Variants in KCNQ1 observed in about 807,000 individuals in gnomAD.
KCNQ1 encodes the protein potassium voltage-gated channel subfamily Q member 1, also known as potassium voltage-gated channel subfamily KQT member 1.
Under a neutral mutation model 72.4 loss-of-function variants are expected in KCNQ1, and 49 were observed. The observed-to-expected ratio is 0.68, with a 90% CI of 0.54 to 0.86. The LOEUF (loss-of-function observed/expected upper bound fraction) is 0.86, where lower values mean the gene tolerates loss of function less well. Among genes scored for constraint, KCNQ1 ranks in the 40% least tolerant of loss-of-function variants. KCNQ1 has a pLI of 0.00. For missense variants in KCNQ1, 790 were observed against 945.1 expected (o/e 0.84, Z 2.15); for synonymous variants, 450 against 412.6 (o/e 1.09, Z -1.10).
At chr11:2,774,090 A>G (rs1846650598) in intron 12 of KCNQ1, among the ~76,000 whole-genome samples, 1 of 151,874 alleles carries the variant, frequency 6.6e-6, no homozygotes, top group African/African-American at 2.4e-5. Context: ...TCTCCATCTT[A>G]TAGGAAGGAG....
At chr11:2,798,380 C>T (rs932140584) in intron 15 of KCNQ1, among the ~76,000 whole-genome samples, 2 of 152,196 alleles carry the variant, frequency 1.3e-5, no homozygotes, top group Non-Finnish European at 2.9e-5. Flanking sequence ...CTCACCTGCC[C>T]ATGGTCATCT....
intron 11 of KCNQ1, among the ~76,000 whole-genome samples, chr11:2,726,954 C>T (rs575748873): frequency 1.2e-3 from 182 of 152,320 alleles, no homozygotes; most frequent in Middle Eastern, 0.01. Flanking sequence ...TCTCCAAGCC[C>T]TGTCCCTGCC....
intron 2 of KCNQ1, among the ~76,000 whole-genome samples, chr11:2,534,316 TGAG>T (rs1847692236): frequency 6.6e-6 from 1 of 152,256 alleles, no homozygotes; most frequent in Admixed American, 6.5e-5. Context: ...GCTGCTCTGA[TGAG>T]GAGCCTGCTC....
chr11:2,751,103 C>T (rs1846218991), intron 11 of KCNQ1, among the ~76,000 whole-genome samples: 1 of 152,240 alleles, frequency 6.6e-6, no homozygotes, highest in East Asian at 1.9e-4. Flanking sequence ...CCGCACCCCA[C>T]AGCAATTTCT....
At chr11:2,452,324 C>A (rs1846128919) in intron 1 of KCNQ1, among the ~76,000 whole-genome samples, 1 of 152,112 alleles carries the variant, frequency 6.6e-6, no homozygotes, top group Non-Finnish European at 1.5e-5. Context: ...CCCCTGTACT[C>A]CCTTCGGCCC....
At position 2,752,058 on chromosome 11, in the gene KCNQ1, C is replaced by T. The variant is rs1257995435; in HGVS notation, c.1515-16786C>T. 6.6e-6 allele frequency among the ~76,000 whole-genome samples: 1 copy of T among 152,266 alleles called. No homozygotes were observed. The highest frequency in any genetic ancestry group is 2.4e-5 in the African/African-American group (1 of 41,468). ...CCTGTCCTCCCCACGCCCTGAGGGG[C>T]CGTCCTAGGCAGCACTCACCCTGGT... is the stretch of plus-strand genomic sequence containing the variant. On this transcript the variant is annotated intron_variant, in intron 11 of 15. Transcript: ENST00000155840. This position sits in a 1 kb window ranked among gnomAD's most constrained non-coding sequence, Gnocchi z 5.2.
In KCNQ1 at chr11:2,588,761, G is replaced by A. The variant is rs757346908; in HGVS notation, c.1300G>A (p.Gly434Arg). ...GGACAAAGACAATGGGGTGACTCCTGGAGAGAAGATGCTCACAGTCCCCCA... is the reference window on the plus strand; with the variant it reads ...GGACAAAGACAATGGGGTGACTCCTAGAGAGAAGATGCTCACAGTCCCCCA... ...KLDKDNGVTP[G>R]EKMLTVPHIT... Residue 434 changes from glycine to arginine, a missense_variant, in exon 10 of 16, where the codon GGA becomes AGA. Physicochemically the swap from Gly to Arg is moderately radical, Grantham distance 125. This residue lies in a region of KCNQ1 where 178 missense variants were observed against 177.9 expected (regional missense o/e 1.00). Coordinates refer to ENST00000155840, the MANE Select transcript of KCNQ1 (RefSeq NM_000218.3). This position sits in a 1 kb window ranked among gnomAD's most constrained non-coding sequence, Gnocchi z 5.6. 6 of 1,613,730 alleles carry A rather than the reference G, an allele frequency of 3.7e-6. No individual in the cohort carries two copies. The highest frequency in any genetic ancestry group is 4.5e-5 in the East Asian group (2 of 44,874).
rs1848761813 is a variant in KCNQ1 at position 2,598,588 on chromosome 11, T to C, written c.1393+9734T>C. Among the ~76,000 whole-genome samples, 1 of 150,414 alleles carries C rather than the reference T, an allele frequency of 6.6e-6. No homozygotes were observed. Among genetic ancestry groups the C allele is most frequent in the African/African-American group, 2.5e-5 (1 of 40,048 alleles). On this transcript the variant is annotated intron_variant, in intron 10 of 15. Transcript: ENST00000155840. The surrounding 1 kb of genome is among the most constrained non-coding windows in gnomAD (Gnocchi z 6.2). ...ATACATACTTATTCATTGCCTCATTTAGGTCTGCTCTGCCCTTAGTTAAAA... is the reference window on the plus strand; with the variant it reads ...ATACATACTTATTCATTGCCTCATTCAGGTCTGCTCTGCCCTTAGTTAAAA...
Position 2,566,918 on chromosome 11 carries a change from G to C in KCNQ1, c.478-3710G>C, listed in dbSNP as rs1380132123. On this transcript the variant is annotated intron_variant, in intron 2 of 15. Coordinates refer to ENST00000155840, the MANE Select transcript of KCNQ1 (RefSeq NM_000218.3). The surrounding 1 kb of genome is among the most constrained non-coding windows in gnomAD (Gnocchi z 6.7). ...GTACCTGTAGTGGATGGGGCTCTCA[G>C]AGGGATTGGGGGTGATGGGGGTGCT... Among the ~76,000 whole-genome samples, 1 of 151,512 alleles carries C rather than the reference G, an allele frequency of 6.6e-6. No homozygotes were observed. Among genetic ancestry groups the C allele is most frequent in the African/African-American group, 2.4e-5 (1 of 41,208 alleles).
chr11:2,534,071 G>T (rs959225409), intron 2 of KCNQ1, among the ~76,000 whole-genome samples: 1 of 151,936 alleles, frequency 6.6e-6, no homozygotes, highest in Admixed American at 6.6e-5. Flanking sequence ...TTTCTGCTGC[G>T]CCTTCAGCAC....
intron 1 of KCNQ1, among the ~76,000 whole-genome samples, chr11:2,523,758 T>TTTTTG (rs1847440280): frequency 1.4e-5 from 2 of 146,490 alleles, no homozygotes; most frequent in African/African-American, 2.6e-5. Flanking sequence ...ACAGTTTTTT[T>TTTTTG]TTTTTTTTTT....
At chr11:2,814,217 G>A (rs538972565) in intron 15 of KCNQ1, among the ~76,000 whole-genome samples, 42 of 151,592 alleles carry the variant, frequency 2.8e-4, no homozygotes, top group African/African-American at 9.7e-4. Flanking sequence ...TGAATGGATA[G>A]AGGTGGATGG....
chr11:2,742,340 T>C (rs1425348759), intron 11 of KCNQ1, among the ~76,000 whole-genome samples: 1 of 152,190 alleles, frequency 6.6e-6, no homozygotes, highest in African/African-American at 2.4e-5. Flanking sequence ...ATGAGAGGCA[T>C]CAGGCGGCCT....
At chr11:2,587,739 T>G (rs1238302706) in intron 9 of KCNQ1, 47 bp downstream of exon 9, 2 of 1,612,612 alleles carry the variant, frequency 1.2e-6, no homozygotes, top group Non-Finnish European at 1.7e-6. Context: ...TGCTAGCAGG[T>G]GGGGAGGCCG....
chr11:2,548,289 A>C (rs571467571), intron 2 of KCNQ1, among the ~76,000 whole-genome samples: 4 of 152,278 alleles, frequency 2.6e-5, no homozygotes, highest in African/African-American at 9.6e-5. Flanking sequence ...TAGACTGGGA[A>C]CGTCTTTTGC....
intron 15 of KCNQ1, among the ~76,000 whole-genome samples, chr11:2,790,970 T>TC (rs33985488): frequency 0.18 from 27,685 of 152,196 alleles, 2,714 homozygotes; most frequent in South Asian, 0.26. Context: ...ACTGTTCTTT[T>TC]CCCCACACTA....
At position 2,538,898 on chromosome 11, in the gene KCNQ1, C is replaced by T. The variant is rs1847778547; in HGVS notation, c.477+10880C>T. On this transcript the variant is annotated intron_variant, in intron 2 of 15. Transcript: ENST00000155840. The surrounding 1 kb of genome is among the most constrained non-coding windows in gnomAD (Gnocchi z 6.7). Reference sequence around the variant, plus strand: ...AAACCTTCTCCAAAAACACGTAACCCGATTCTGTCCAAGCGATTTGTGAGA... The same window carrying T: ...AAACCTTCTCCAAAAACACGTAACCTGATTCTGTCCAAGCGATTTGTGAGA... Among the ~76,000 whole-genome samples the T allele has an allele frequency of 1.3e-5, 2 of 152,016 alleles. No individual in the cohort carries two copies. The highest frequency in any genetic ancestry group is 2.1e-4 in the South Asian group (1 of 4,826).
chr11:2,848,007 G>A lies in KCNQ1; in HGVS notation c.*4G>A, dbSNP rs1157661362. 7 of 1,540,320 alleles carry A rather than the reference G, an allele frequency of 4.5e-6. No individual in the cohort carries two copies. Among genetic ancestry groups the A allele is most frequent in the Non-Finnish European group, 6.1e-6 (7 of 1,141,614 alleles). On this transcript the variant is annotated 3_prime_UTR_variant, in exon 16 of 16. Transcript: ENST00000155840. ...GGGCCCCGATGAGGGGTCCTGAGGAGGGGATGGGGCTGGGGGATGGGCCTG... is the reference window on the plus strand; with the variant it reads ...GGGCCCCGATGAGGGGTCCTGAGGAAGGGATGGGGCTGGGGGATGGGCCTG...
At chr11:2,643,046 T>C (rs1190023633) in intron 10 of KCNQ1, 2 of 397,832 alleles carry the variant, frequency 5.0e-6, no homozygotes, top group African/African-American at 2.1e-5. Flanking sequence ...ATTTAAAATA[T>C]ATATATATTT....
Sources: gnomAD v4.1 joint callset for allele counts (sites outside exome capture counted in the v4.1 genomes callset) on GRCh38, gnomAD v4.1.1 for gene constraint, gnomAD v4.1.1 regional missense constraint, Gnocchi (gnomAD v3.1) non-coding constraint, MANE v1.5 for transcripts, NCBI Gene and HGNC (gene_info 2026-07-23, HGNC 2026-07-21) for gene names.